NEDD9: variants seen among roughly 807,000 people sequenced by gnomAD.
The protein encoded by NEDD9 is neural precursor cell expressed, developmentally down-regulated 9.
Under a neutral mutation model 76.6 loss-of-function variants are expected in NEDD9, and 26 were observed. The ratio of observed to expected loss-of-function variants is 0.34; its 90% CI spans 0.25 to 0.47. The LOEUF (loss-of-function observed/expected upper bound fraction) is 0.47, where lower values mean the gene tolerates loss of function less well. Among genes scored for constraint, NEDD9 ranks in the 20% least tolerant of loss-of-function variants. NEDD9 has a pLI of 1.00. For synonymous variants in NEDD9, 392 were observed against 414.2 expected, an observed-to-expected ratio of 0.95 and a Z score of 0.65; for missense variants, 937 against 1,058.5, an observed-to-expected ratio of 0.89 and a Z score of 1.59.
intron 1 of NEDD9, among the ~76,000 whole-genome samples, chr6:11,361,359 G>C (rs1762676827): frequency 6.6e-6 from 1 of 152,186 alleles, no homozygotes; most frequent in East Asian, 1.9e-4. Context: ...AGAGGCTTCT[G>C]CTTCTGGGGA....
chr6:11,248,224 GA>G (rs572119370), intron 3 of NEDD9, among the ~76,000 whole-genome samples: 22 of 146,184 alleles, frequency 1.5e-4, no homozygotes, highest in East Asian at 9.9e-4. Context: ...ATTTGAGAAG[GA>G]AAAAAAAAAG....
chr6:11,355,358 A>T (rs975718970), intron 1 of NEDD9, among the ~76,000 whole-genome samples: 2 of 152,246 alleles, frequency 1.3e-5, no homozygotes, highest in African/African-American at 4.8e-5. Context: ...ATTTAAAAAA[A>T]AATTAAAAAC....
rs1045822579 is a variant in NEDD9 at position 11,213,786 on chromosome 6, C to G, written c.13-59G>C. On this transcript the variant is annotated intron_variant, in intron 1 of 6. Coordinates refer to ENST00000379446, the MANE Select transcript of NEDD9 (RefSeq NM_006403.4). The surrounding 1 kb of genome is among the most constrained non-coding windows in gnomAD (Gnocchi z 5.4). ...GAATATTGGGTCGGTCCCTTTATCA[C>G]CTAAGGCCCGTGCTCTTATGGAAAG... 2 of 1,493,310 alleles carry G rather than the reference C, an allele frequency of 1.3e-6. No individual in the cohort carries two copies. The highest frequency in any genetic ancestry group is 1.8e-5 in the Admixed American group (1 of 56,446). 92.5% of individuals were successfully genotyped at this position (1,493,310 alleles called of 1,614,324 possible).
At chr6:11,194,318 CTTAT>C (rs1440773710) in intron 2 of NEDD9, among the ~76,000 whole-genome samples, 1 of 152,212 alleles carries the variant, frequency 6.6e-6, no homozygotes, top group Non-Finnish European at 1.5e-5. Flanking sequence ...TTGTGTGTAA[CTTAT>C]GAAAGTCCTA....
At chr6:11,315,403 A>G (rs983082601) in intron 2 of NEDD9, among the ~76,000 whole-genome samples, 2 of 152,248 alleles carry the variant, frequency 1.3e-5, no homozygotes, top group Admixed American at 6.5e-5. Context: ...CTTGGGTCCC[A>G]TGCAAGATTC....
At chr6:11,337,811 A>G (rs2113516404) in intron 1 of NEDD9, among the ~76,000 whole-genome samples, 1 of 152,318 alleles carries the variant, frequency 6.6e-6, no homozygotes, top group South Asian at 2.1e-4. Flanking sequence ...TCGCTCCAAC[A>G]AGCTGTTGTT....
intron 1 of NEDD9, among the ~76,000 whole-genome samples, chr6:11,375,356 A>G (rs759345087): frequency 6.6e-6 from 1 of 152,214 alleles, no homozygotes; most frequent in African/African-American, 2.4e-5. Flanking sequence ...CAAATTGTAT[A>G]TATACCTATG....
chr6:11,371,561 C>T (rs897138537), intron 1 of NEDD9, among the ~76,000 whole-genome samples: 1 of 152,132 alleles, frequency 6.6e-6, no homozygotes, highest in Non-Finnish European at 1.5e-5. Flanking sequence ...CACTTAGCAA[C>T]ATATTTAGCT....
At chr6:11,335,389 A>G (rs949215609) in intron 1 of NEDD9, among the ~76,000 whole-genome samples, 6 of 152,206 alleles carry the variant, frequency 3.9e-5, no homozygotes, top group Admixed American at 1.3e-4. Context: ...CGAAATCACT[A>G]CATCTGAGAA....
Position 11,193,700 on chromosome 6 carries a change from A to T in NEDD9, c.460-8T>A. On this transcript the variant is annotated splice_polypyrimidine_tract_variant and splice_region_variant and intron_variant, in intron 2 of 6. Transcript: ENST00000379446. ...CCTCACGGGGGTTATCACCTGTGGG[A>T]GAGAAGGCACAGAGGTGTAAATTTC... 2.5e-6 allele frequency: 4 copies of T among 1,603,904 alleles called. No individual in the cohort carries two copies. Among genetic ancestry groups the T allele is most frequent in the Non-Finnish European group, 3.4e-6 (4 of 1,170,952 alleles).
intron 3 of NEDD9, among the ~76,000 whole-genome samples, chr6:11,291,292 T>TTTTTTTA: frequency 7.0e-6 from 1 of 143,010 alleles, no homozygotes; most frequent in African/African-American, 2.8e-5. Flanking sequence ...TTTTTTTTTT[T>TTTTTTTA]GAGACGGAGT....
intron 3 of NEDD9, among the ~76,000 whole-genome samples, chr6:11,240,905 G>C (rs7768496): frequency 0.019 from 2,890 of 152,342 alleles, 87 homozygotes; most frequent in African/African-American, 0.066. Context: ...TAAAGGCATA[G>C]AGTTCAGTGG....
At chr6:11,310,269 G>T (rs759067000) in intron 2 of NEDD9, among the ~76,000 whole-genome samples, 2 of 152,174 alleles carry the variant, frequency 1.3e-5, no homozygotes, top group African/African-American at 2.4e-5. Context: ...GCATGAGCAG[G>T]CCTCTTCAGC....
intron 3 of NEDD9, among the ~76,000 whole-genome samples, chr6:11,285,377 T>C (rs570658085): frequency 2.6e-5 from 4 of 152,336 alleles, no homozygotes; most frequent in African/African-American, 7.2e-5. Context: ...AATGTGTTCA[T>C]GAATCCAAAG....
At chr6:11,353,397 G>T (rs920374599) in intron 1 of NEDD9, among the ~76,000 whole-genome samples, 1 of 152,254 alleles carries the variant, frequency 6.6e-6, no homozygotes, top group African/African-American at 2.4e-5. Flanking sequence ...CGCAGAGGGA[G>T]AAGGCGGCCC....
At chr6:11,196,581 G>A (rs189074217) in intron 2 of NEDD9, among the ~76,000 whole-genome samples, 1 of 152,186 alleles carries the variant, frequency 6.6e-6, no homozygotes, top group Admixed American at 6.5e-5. Flanking sequence ...GATGCCTGTG[G>A]TCTTCTGGTT....
intron 1 of NEDD9, 38 bp downstream of exon 1, chr6:11,232,466 T>C: frequency 6.2e-7 from 1 of 1,613,866 alleles, no homozygotes; most frequent in South Asian, 1.1e-5. Context: ...GGCACAGCTT[T>C]CAGCTTGCAA....
Position 11,252,912 on chromosome 6 carries a change from CA to C in NEDD9, c.13-39186del, listed in dbSNP as rs1330358378. Among the ~76,000 whole-genome samples, 2 of 151,870 alleles carry C rather than the reference CA, an allele frequency of 1.3e-5. No individual in the cohort carries two copies. The highest frequency in any genetic ancestry group is 3.9e-4 in the East Asian group (2 of 5,190). On this transcript the variant is annotated intron_variant, in intron 3 of 3. Coordinates refer to the NEDD9 transcript ENST00000397378. This position sits in a 1 kb window ranked among gnomAD's most constrained non-coding sequence, Gnocchi z 4.3. ...TGTATTTTTTTTTTCTCCTAAACTT[CA>C]AACAAGAAATCATTCTTTTGGGAAA...
At chr6:11,188,480 C>T (rs1214997218) in intron 5 of NEDD9, among the ~76,000 whole-genome samples, 173 bp from the exon 6 acceptor site, 1 of 152,170 alleles carries the variant, frequency 6.6e-6, no homozygotes. Context: ...AAAAATAAAG[C>T]CCATTGCCAT....
Sources: gnomAD v4.1 joint callset for allele counts (sites outside exome capture counted in the v4.1 genomes callset) on GRCh38, gnomAD v4.1.1 for gene constraint, Gnocchi (gnomAD v3.1) non-coding constraint, MANE v1.5 for transcripts, NCBI Gene and HGNC (gene_info 2026-07-23, HGNC 2026-07-21) for gene names.